The following DYSF variants were observed in gnomAD, a reference collection of about 807,000 sequenced individuals.
DYSF encodes the protein dysferlin, also known as dystrophy-associated fer-1-like 1.
Under a neutral mutation model 274.9 loss-of-function variants are expected in DYSF, and 212 were observed. The observed-to-expected ratio is 0.77, with a 90% CI of 0.69 to 0.86. The LOEUF (loss-of-function observed/expected upper bound fraction) is 0.86, where lower values mean the gene tolerates loss of function less well. Among genes scored for constraint, DYSF ranks in the 40% least tolerant of loss-of-function variants. The pLI is 0.00. For missense variants in DYSF, 2,666 were observed against 2,783.2 expected (o/e 0.96, Z 0.95); for synonymous variants, 1,091 against 1,078.7 (o/e 1.01, Z -0.22).
chr2:71,523,633 G>A (rs1158151432), intron 12 of DYSF, among the ~76,000 whole-genome samples: 9 of 141,798 alleles, frequency 6.3e-5, no homozygotes, highest in African/African-American at 1.8e-4. Context: ...TGCAACCTCC[G>A]CCTCCCGAGT....
rs1403374071 is a variant in DYSF, at chr2:71,686,496, C to T, written c.*4C>T. On this transcript the variant is annotated 3_prime_UTR_variant, in exon 56 of 56. Coordinates refer to ENST00000410020, the MANE Select transcript of DYSF (RefSeq NM_001130987.2). Reference sequence around the variant, plus strand: ...GCTGGTGAAGCCCTTCAGCTGAGGACTCTCCTGCCCTGTAGAAGGGGCCGT... The same window carrying T: ...GCTGGTGAAGCCCTTCAGCTGAGGATTCTCCTGCCCTGTAGAAGGGGCCGT... 9.9e-6 allele frequency: 16 copies of T among 1,614,118 alleles called. No homozygotes were observed. Among genetic ancestry groups the T allele is most frequent in the Non-Finnish European group, 1.4e-5 (16 of 1,180,008 alleles).
chr2:71,513,653 C>A, intron 6 of DYSF, 63 bp from the exon 7 acceptor site: 1 of 1,566,346 alleles, frequency 6.4e-7, no homozygotes, highest in South Asian at 1.1e-5. Flanking sequence ...GGCTGGGTCC[C>A]AGGGGCAGGG....
intron 18 of DYSF, 137 bp from the exon 19 acceptor site, chr2:71,551,470 C>A: frequency 1.3e-6 from 1 of 743,418 alleles, no homozygotes; most frequent in Non-Finnish European, 2.3e-6. Flanking sequence ...CTTTCCTCAC[C>A]TGCAGGGGGG....
intron 42 of DYSF, among the ~76,000 whole-genome samples, chr2:71,645,451 G>T (rs2094552029): frequency 6.6e-6 from 1 of 151,802 alleles, no homozygotes; most frequent in African/African-American, 2.4e-5. Flanking sequence ...TACGCCAGTG[G>T]GTCCTTCTCG....
At chr2:71,581,663 G>A (rs574026801) in intron 30 of DYSF, among the ~76,000 whole-genome samples, 2 of 152,332 alleles carry the variant, frequency 1.3e-5, no homozygotes, top group South Asian at 2.1e-4. Context: ...GTGGGCAGGA[G>A]GACCCCAGGT....
At chr2:71,580,095 G>A (rs1200866260) in intron 30 of DYSF, among the ~76,000 whole-genome samples, 1 of 152,242 alleles carries the variant, frequency 6.6e-6, no homozygotes, top group Non-Finnish European at 1.5e-5. Context: ...TGTCTCTCCT[G>A]CTCCATGGAG....
chr2:71,557,487 G>T (rs1423374812), intron 22 of DYSF, among the ~76,000 whole-genome samples: 1 of 152,200 alleles, frequency 6.6e-6, no homozygotes, highest in African/African-American at 2.4e-5. Context: ...AAGGCCGAGG[G>T]AAAGGTGATC....
At chr2:71,601,373 C>T in intron 34 of DYSF, 126 bp from the exon 35 acceptor site, 3 of 1,268,230 alleles carry the variant, frequency 2.4e-6, no homozygotes, top group Non-Finnish European at 3.5e-6. Context: ...ATCCCTTCTA[C>T]CCTCAAGGAA....
At chr2:71,488,892 C>T (rs564859849) in intron 3 of DYSF, among the ~76,000 whole-genome samples, 1 of 152,300 alleles carries the variant, frequency 6.6e-6, no homozygotes, top group East Asian at 1.9e-4. Context: ...AGTCATGGTG[C>T]CTGCAACTGG....
At chr2:71,470,706 CT>C (rs1448320569) in intron 1 of DYSF, among the ~76,000 whole-genome samples, 1 of 137,124 alleles carries the variant, frequency 7.3e-6, no homozygotes, top group African/African-American at 2.7e-5. Flanking sequence ...AAAGAGCTTT[CT>C]CTTCTCTTCC....
chr2:71,626,880 G>T (rs1226641185), intron 41 of DYSF, among the ~76,000 whole-genome samples: 2 of 151,660 alleles, frequency 1.3e-5, no homozygotes, highest in Non-Finnish European at 3.0e-5. Context: ...GAGATTTTCT[G>T]TTTCTAAGTG....
rs761528558 is a variant in DYSF at position 71,589,683 on chromosome 2, G to C, written c.3493G>C (p.Asp1165His). The C allele has an allele frequency of 3.7e-6, 6 of 1,613,844 alleles. No homozygotes were observed. Among genetic ancestry groups the C allele is most frequent in the South Asian group, 1.1e-5 (1 of 91,078 alleles). ...CAGACCCACGATTTCCTGCATATTC[G>C]ACTGTAAGTGAGGCTTCGAGGCCTC... ...VNRPTISCIFDYGNRYHLRCY... is the reference protein window; with the variant it reads ...VNRPTISCIFHYGNRYHLRCY... The change falls in exon 31 of 56, where the codon GAC becomes CAC. Residue 1165 changes from aspartate (D) to histidine (H), a missense_variant. By Grantham distance (81) the Asp-to-His change is moderately conservative. This residue lies in a region of DYSF where 1,460 missense variants were observed against 1,502.1 expected (regional missense o/e 0.97). Transcript: ENST00000410020.
chr2:71,520,414 C>T (rs1428270828), intron 11 of DYSF, among the ~76,000 whole-genome samples: 1 of 152,186 alleles, frequency 6.6e-6, no homozygotes, highest in African/African-American at 2.4e-5. Context: ...TCCGTTGGCC[C>T]ATTCAGGGAG....
In DYSF at chr2:71,520,168, T is replaced by C. The variant is rs752397079; in HGVS notation, c.1003-10T>C. On this transcript the variant is annotated splice_polypyrimidine_tract_variant and intron_variant, in intron 10 of 55. Transcript: ENST00000410020. ...AGAGTTTGATTTGTGTCTCCTCTCA[T>C]TGATTGCAGATGGACGTGGGCACCA... is the stretch of plus-strand genomic sequence containing the variant. 1.9e-6 allele frequency: 3 copies of C among 1,614,094 alleles called. No individual in the cohort carries two copies. The highest frequency in any genetic ancestry group is 2.5e-6 in the Non-Finnish European group (3 of 1,180,044).
At chr2:71,524,912 A>G (rs1407552611) in intron 12 of DYSF, among the ~76,000 whole-genome samples, 1 of 152,142 alleles carries the variant, frequency 6.6e-6, no homozygotes, top group Non-Finnish European at 1.5e-5. Context: ...CTTATCTGTA[A>G]AGTGGGGGCA....
chr2:71,513,151 A>T (rs1188132820), intron 5 of DYSF, 89 bp from the exon 6 acceptor site: 6 of 1,261,822 alleles, frequency 4.8e-6, no homozygotes, highest in Non-Finnish European at 4.5e-6. Flanking sequence ...CGGGGAAGGC[A>T]GGGTTGGGGA....
intron 10 of DYSF, 67 bp from the exon 11 acceptor site, chr2:71,520,111 T>C: frequency 6.3e-7 from 1 of 1,589,262 alleles, no homozygotes; most frequent in Non-Finnish European, 8.6e-7. Flanking sequence ...AATCATATAA[T>C]GCACCACACT....
rs560483096 is a variant in DYSF at position 71,543,056 on chromosome 2, C to T, written c.1576+3817C>T. ...CTGGCCGGGCGGGGGCTGCCCCCCA[C>T]CTCCCGGACTGGGCAGCTGCCGGGC... On this transcript the variant is annotated intron_variant, in intron 17 of 55. Coordinates refer to ENST00000410020, the MANE Select transcript of DYSF (RefSeq NM_001130987.2). 4.5e-3 allele frequency among the ~76,000 whole-genome samples: 687 copies of T among 151,554 alleles called. 4 individuals are homozygous for T. The highest frequency in any genetic ancestry group is 0.016 in the African/African-American group (647 of 41,308).
At chr2:71,476,693 T>C (rs2082419970) in intron 1 of DYSF, among the ~76,000 whole-genome samples, 1 of 152,132 alleles carries the variant, frequency 6.6e-6, no homozygotes, top group Admixed American at 6.5e-5. Flanking sequence ...CTCCTGTACA[T>C]GTGTTGAGAA....
Sources: allele counts gnomAD v4.1 joint callset (sites outside exome capture counted in the v4.1 genomes callset), GRCh38; gene constraint gnomAD v4.1.1; regional missense constraint gnomAD v4.1.1; transcripts MANE v1.5; gene names NCBI Gene and HGNC (gene_info 2026-07-23, HGNC 2026-07-21).